Variants in CABLES1 observed in about 807,000 individuals in gnomAD.
CABLES1 encodes CDK5 and ABL1 enzyme substrate 1.
Under a neutral mutation model 57.8 loss-of-function variants are expected in CABLES1, and 36 were observed. That is an observed-to-expected ratio of 0.62 (90% CI 0.48 to 0.82). CABLES1 has a LOEUF of 0.82. Ranked by LOEUF, CABLES1 falls within the 40% of genes least tolerant of loss-of-function variation. The pLI, the probability that CABLES1 is intolerant of heterozygous loss-of-function variation, is 0.00. For missense variants in CABLES1, 767 were observed against 836.6 expected, an observed-to-expected ratio of 0.92 and a Z score of 1.03; for synonymous variants, 374 against 363.0, an observed-to-expected ratio of 1.03 and a Z score of -0.35.
chr18:23,215,543 C>T (rs920816836), intron 4 of CABLES1, among the ~76,000 whole-genome samples: 11 of 152,256 alleles, frequency 7.2e-5, no homozygotes, highest in South Asian at 2.1e-4. Flanking sequence ...ACATCAGCCT[C>T]GTTTCTCTGG....
At chr18:23,220,173 C>T (rs750636779) in intron 4 of CABLES1, among the ~76,000 whole-genome samples, 34 of 152,096 alleles carry the variant, frequency 2.2e-4, no homozygotes, top group Non-Finnish European at 3.4e-4. Context: ...TCTTCCTTAC[C>T]GTGATGTATG....
At chr18:23,140,990 G>T (rs2046854670) in intron 1 of CABLES1, among the ~76,000 whole-genome samples, 2 of 152,280 alleles carry the variant, frequency 1.3e-5, no homozygotes, top group East Asian at 1.9e-4. Flanking sequence ...CTGAATGTGG[G>T]CTTGTGCTAA....
At chr18:23,190,361 C>T (rs2047233056) in intron 2 of CABLES1, 1 of 152,210 alleles carries the variant, frequency 6.6e-6, no homozygotes, top group Non-Finnish European at 1.5e-5. Context: ...TACTAGAAGC[C>T]ATGGTCCTTG....
intron 1 of CABLES1, among the ~76,000 whole-genome samples, chr18:23,185,067 G>A (rs1037982985): frequency 6.6e-6 from 1 of 152,188 alleles, no homozygotes; most frequent in Non-Finnish European, 1.5e-5. Context: ...CTCCTGAGGG[G>A]AATTACCGAA....
At chr18:23,155,588 C>G (rs997940598) in intron 1 of CABLES1, among the ~76,000 whole-genome samples, 1 of 152,192 alleles carries the variant, frequency 6.6e-6, no homozygotes, top group African/African-American at 2.4e-5. Context: ...ACAATGGGAG[C>G]TAGTTCAGCC....
At chr18:23,140,048 C>T (rs1045518953) in intron 1 of CABLES1, among the ~76,000 whole-genome samples, 3 of 152,134 alleles carry the variant, frequency 2.0e-5, no homozygotes, top group African/African-American at 7.2e-5. Flanking sequence ...CTGGGTTCCT[C>T]CCCGCCTCAC....
intron 1 of CABLES1, among the ~76,000 whole-genome samples, chr18:23,138,981 A>G (rs993104151): frequency 6.6e-6 from 1 of 152,184 alleles, no homozygotes; most frequent in African/African-American, 2.4e-5. Flanking sequence ...GTTTAACGAG[A>G]TCCTCAGGTG....
At chr18:23,231,732 T>C (rs1352587900) in intron 4 of CABLES1, among the ~76,000 whole-genome samples, 1 of 152,168 alleles carries the variant, frequency 6.6e-6, no homozygotes, top group Non-Finnish European at 1.5e-5. Flanking sequence ...TTTTATCTCA[T>C]GGAATAGAAT....
intron 1 of CABLES1, among the ~76,000 whole-genome samples, chr18:23,145,938 G>C (rs2046889357): frequency 6.6e-6 from 1 of 152,214 alleles, no homozygotes; most frequent in African/African-American, 2.4e-5. Context: ...ATATTGTAAT[G>C]ATATGTGTGT....
intron 4 of CABLES1, among the ~76,000 whole-genome samples, 172 bp from the exon 5 acceptor site, chr18:23,234,436 C>T (rs2047587725): frequency 6.6e-6 from 1 of 152,192 alleles, no homozygotes; most frequent in South Asian, 2.1e-4. Flanking sequence ...AAAGTGGTTG[C>T]AACAAGGCAT....
chr18:23,231,259 GC>G (rs1219530840), intron 4 of CABLES1, among the ~76,000 whole-genome samples: 1 of 152,180 alleles, frequency 6.6e-6, no homozygotes, highest in East Asian at 1.9e-4. Context: ...GTAGTCACTA[GC>G]CACATGTGGC....
chr18:23,235,894 G>T lies in CABLES1; in HGVS notation c.1186-1G>T. On this transcript the variant is annotated splice_acceptor_variant, in intron 5 of 9. Transcript: ENST00000256925. LOFTEE classifies it high-confidence loss of function. The stretch of plus-strand genomic sequence containing the variant: ...GGCCTGTTTTTGTCTTCACCTTTTA[G>T]ACTGTTTCCTATACCCAATTTCTGT... The T allele has an allele frequency of 6.2e-7, 1 of 1,614,086 alleles. No homozygotes were observed. Among genetic ancestry groups the T allele is most frequent in the Non-Finnish European group, 8.5e-7 (1 of 1,179,956 alleles).
chr18:23,231,413 G>A (rs2047566357), intron 4 of CABLES1, among the ~76,000 whole-genome samples: 1 of 152,356 alleles, frequency 6.6e-6, no homozygotes, highest in Admixed American at 6.5e-5. Flanking sequence ...AGGAAGTTCT[G>A]TTGCGTGGCA....
At chr18:23,257,179 G>C in intron 9 of CABLES1, 48 bp from the exon 10 acceptor site, 1 of 1,601,612 alleles carries the variant, frequency 6.2e-7, no homozygotes, top group Non-Finnish European at 8.5e-7. Flanking sequence ...GAAAGACTAG[G>C]ATTTTAATTT....
At chr18:23,237,329 A>C in intron 7 of CABLES1, 84 bp downstream of exon 7, 2 of 911,272 alleles carry the variant, frequency 2.2e-6, no homozygotes, top group South Asian at 1.3e-5. Flanking sequence ...GCTTGTTCAA[A>C]GACTGCTCTG....
intron 7 of CABLES1, among the ~76,000 whole-genome samples, chr18:23,237,871 C>T (rs1047266204): frequency 1.3e-5 from 2 of 150,902 alleles, no homozygotes; most frequent in Middle Eastern, 3.5e-3. Flanking sequence ...GGGCCCTGGG[C>T]GCTTTCTCTG....
chr18:23,140,671 C>G (rs1015861142), intron 1 of CABLES1, among the ~76,000 whole-genome samples: 4 of 152,178 alleles, frequency 2.6e-5, no homozygotes, highest in Admixed American at 1.3e-4. Flanking sequence ...CTCCTGACCT[C>G]AGGTGATCCA....
intron 1 of CABLES1, among the ~76,000 whole-genome samples, chr18:23,170,646 G>A (rs774649701): frequency 6.6e-5 from 10 of 152,182 alleles, no homozygotes; most frequent in African/African-American, 2.4e-4. Context: ...TTTCATAGTC[G>A]CAGTTCAGCC....
chr18:23,198,176 CTT>C (rs899075954), intron 3 of CABLES1: 1 of 152,086 alleles, frequency 6.6e-6, no homozygotes, highest in African/African-American at 2.4e-5. Flanking sequence ...GGGAGGATTG[CTT>C]GAGTCTGGGG....
Sources: allele counts gnomAD v4.1 joint callset (sites outside exome capture counted in the v4.1 genomes callset), GRCh38; gene constraint gnomAD v4.1.1; transcripts MANE v1.5; gene names NCBI Gene and HGNC (gene_info 2026-07-23, HGNC 2026-07-21).